The following SNX10 variants were observed in gnomAD, a reference collection of about 807,000 sequenced individuals.
SNX10 encodes the protein sorting nexin 10.
Under a neutral mutation model 28.5 loss-of-function variants are expected in SNX10, and 25 were observed. That is an observed-to-expected ratio of 0.88 (90% CI 0.64 to 1.22). The LOEUF (loss-of-function observed/expected upper bound fraction) is 1.22, where lower values mean the gene tolerates loss of function less well. SNX10 is among the 50% of genes most tolerant of loss of function. The pLI is 0.00. For synonymous variants in SNX10, 62 were observed against 81.4 expected, an observed-to-expected ratio of 0.76 and a Z score of 1.28; for missense variants, 223 against 242.6, an observed-to-expected ratio of 0.92 and a Z score of 0.54.
chr7:26,332,789 G>T (rs1369382917), intron 1 of SNX10, among the ~76,000 whole-genome samples: 1 of 152,120 alleles, frequency 6.6e-6, no homozygotes, highest in African/African-American at 2.4e-5. Flanking sequence ...TTTTGCGTGT[G>T]GCTATCTACT....
intron 1 of SNX10, among the ~76,000 whole-genome samples, chr7:26,315,625 G>A (rs963176006): frequency 2.6e-5 from 4 of 151,390 alleles, no homozygotes; most frequent in East Asian, 3.9e-4. Context: ...CTGAGGTTTC[G>A]CCACTGCACT....
intron 2 of SNX10, among the ~76,000 whole-genome samples, chr7:26,352,392 C>T (rs1400558623): frequency 2.0e-5 from 3 of 152,112 alleles, no homozygotes; most frequent in African/African-American, 7.2e-5. Context: ...CACAACATTC[C>T]ACCCTATGCA....
At chr7:26,297,831 G>A (rs1000235413) in intron 1 of SNX10, among the ~76,000 whole-genome samples, 2 of 152,120 alleles carry the variant, frequency 1.3e-5, no homozygotes, top group African/African-American at 2.4e-5. Context: ...GTTGCTTTAT[G>A]TGCCTTAGTA....
At chr7:26,312,598 A>G (rs1056817909) in intron 1 of SNX10, among the ~76,000 whole-genome samples, 4 of 152,170 alleles carry the variant, frequency 2.6e-5, no homozygotes, top group Non-Finnish European at 5.9e-5. Flanking sequence ...AGCCTGGCCA[A>G]TATGGTGAAA....
At position 26,333,570 on chromosome 7, in the gene SNX10, C is replaced by T. The variant is rs191064653; in HGVS notation, c.-23-12850C>T. On this transcript the variant is annotated intron_variant, in intron 1 of 6. Transcript: ENST00000338523. ...TGATCTCCTGACCTCATGATCCGCC[C>T]GTCTCGGCCTCCCAAAGTGCTGGGA... 3.4e-3 allele frequency among the ~76,000 whole-genome samples: 524 copies of T among 152,092 alleles called. 4 individuals are homozygous for T. The highest frequency in any genetic ancestry group is 0.012 in the African/African-American group (504 of 41,490).
chr7:26,335,618 C>G (rs1787897737), intron 1 of SNX10, among the ~76,000 whole-genome samples: 1 of 152,112 alleles, frequency 6.6e-6, no homozygotes, highest in African/African-American at 2.4e-5. Context: ...GGCCCTGGCA[C>G]CACCACAGAT....
chr7:26,348,191 C>T (rs1315854995), intron 2 of SNX10, among the ~76,000 whole-genome samples: 1 of 152,194 alleles, frequency 6.6e-6, no homozygotes, highest in Non-Finnish European at 1.5e-5. Flanking sequence ...CTCACTTCCA[C>T]CCCTAGAGGT....
intron 1 of SNX10, among the ~76,000 whole-genome samples, chr7:26,317,995 G>A (rs1381663308): frequency 6.6e-6 from 1 of 151,994 alleles, no homozygotes; most frequent in Non-Finnish European, 1.5e-5. Flanking sequence ...AAATGTCTTC[G>A]GCATCTAGGA....
At chr7:26,346,324 G>C (rs544142396) in intron 1 of SNX10, 96 bp from the exon 2 acceptor site, 18 of 788,080 alleles carry the variant, frequency 2.3e-5, no homozygotes, top group African/African-American at 5.1e-5. Flanking sequence ...GGGCGGGGGG[G>C]GCTCTGTCAG....
intron 1 of SNX10, among the ~76,000 whole-genome samples, chr7:26,311,870 C>CTGGGCGCG (rs1423291112): frequency 7.2e-6 from 1 of 139,334 alleles, no homozygotes; most frequent in African/African-American, 3.2e-5. Flanking sequence ...TTTTCACGCA[C>CTGGGCGCG]GTGGATGTTG....
intron 1 of SNX10, among the ~76,000 whole-genome samples, chr7:26,310,972 C>T (rs1011261141): frequency 7.9e-5 from 12 of 151,896 alleles, no homozygotes; most frequent in African/African-American, 2.4e-4. Context: ...CGTGAGCCAC[C>T]GTGCCTGGCC....
intron 1 of SNX10, among the ~76,000 whole-genome samples, chr7:26,295,112 T>C (rs1000557072): frequency 1.3e-5 from 2 of 152,238 alleles, no homozygotes; most frequent in African/African-American, 4.8e-5. Flanking sequence ...TATTGTAGTC[T>C]CTGTTATTTT....
intron 2 of SNX10, among the ~76,000 whole-genome samples, chr7:26,359,294 T>C (rs1788970459): frequency 1.3e-5 from 2 of 152,140 alleles, no homozygotes; most frequent in South Asian, 4.1e-4. Flanking sequence ...TTTCAGAGTG[T>C]GGTGTATTTT....
rs373774683 is a variant in SNX10 at position 26,292,742 on chromosome 7, A to G, written c.-24+656A>G. ...AAGGAAGGGCTTCTATCTCTACAAG[A>G]CACGTTAAAAATGATGGTATCAGAA... On this transcript the variant is annotated intron_variant, in intron 1 of 6. Coordinates refer to ENST00000338523, the MANE Select transcript of SNX10 (RefSeq NM_013322.3). 1.2e-4 allele frequency among the ~76,000 whole-genome samples: 19 copies of G among 152,336 alleles called. 1 individual carries two copies. The highest frequency in any genetic ancestry group is 1.2e-3 in the East Asian group (6 of 5,176).
At chr7:26,333,470 C>T (rs906647299) in intron 1 of SNX10, among the ~76,000 whole-genome samples, 1 of 151,786 alleles carries the variant, frequency 6.6e-6, no homozygotes, top group South Asian at 2.1e-4. Flanking sequence ...ACTACAGGTG[C>T]CCGCCACCGC....
At chr7:26,323,465 C>CT (rs1787382212) in intron 1 of SNX10, among the ~76,000 whole-genome samples, 1 of 152,022 alleles carries the variant, frequency 6.6e-6, no homozygotes, top group Non-Finnish European at 1.5e-5. Context: ...CGTGGGACAG[C>CT]TTTTTGCTCT....
intron 2 of SNX10, among the ~76,000 whole-genome samples, chr7:26,355,479 C>G (rs1268967542): frequency 6.6e-6 from 1 of 152,184 alleles, no homozygotes; most frequent in African/African-American, 2.4e-5. Context: ...GCTTTGATTC[C>G]TTTCAATAGC....
At chr7:26,348,645 G>T (rs10235391) in intron 2 of SNX10, among the ~76,000 whole-genome samples, 61,410 of 151,964 alleles carry the variant, frequency 0.4, 13,592 homozygotes, top group South Asian at 0.61. Flanking sequence ...ATCGCCTGGC[G>T]TCAAATCCAT....
chr7:26,336,993 A>G (rs758255251), intron 1 of SNX10, among the ~76,000 whole-genome samples: 1 of 152,214 alleles, frequency 6.6e-6, no homozygotes, highest in Non-Finnish European at 1.5e-5. Context: ...AATATAAACA[A>G]TTTATATTGT....
Sources: allele counts gnomAD v4.1 joint callset (sites outside exome capture counted in the v4.1 genomes callset), GRCh38; gene constraint gnomAD v4.1.1; transcripts MANE v1.5; gene names NCBI Gene and HGNC (gene_info 2026-07-23, HGNC 2026-07-21).